Variants in TRMT11 observed in about 807,000 individuals in gnomAD.
TRMT11 encodes the protein tRNA methyltransferase 11.
TRMT11 carries 53 observed loss-of-function variants against 62.8 expected under a neutral mutation model. That is an observed-to-expected ratio of 0.84 (90% confidence interval 0.68 to 1.06). TRMT11 has a LOEUF of 1.06. Among genes scored for constraint, TRMT11 ranks in the 50% least tolerant of loss-of-function variants. The probability of loss-of-function intolerance (pLI) is 0.00; values close to 1 mark genes in which losing one functional copy is unlikely to be tolerated. For missense variants in TRMT11, 556 were observed against 553.4 expected (o/e 1.00, Z -0.05); for synonymous variants, 188 against 190.3 (o/e 0.99, Z 0.10).
At chr6:125,998,718 G>GT (rs879138630) in intron 6 of TRMT11, 34 bp downstream of exon 6, 6 of 1,599,156 alleles carry the variant, frequency 3.8e-6, no homozygotes, top group East Asian at 2.2e-5. Context: ...ATGTCAGTTT[G>GT]TTTTTTTGAA....
In TRMT11 at chr6:125,993,751, A is replaced by G. The variant is rs755907068; in HGVS notation, c.73-6A>G. The stretch of plus-strand genomic sequence containing the variant: ...ATGTATTTTCTCTGTAATATTTTCA[A>G]TACAGGAAATAAAGTCTTTGCTTTT... On this transcript the variant is annotated splice_polypyrimidine_tract_variant and splice_region_variant and intron_variant, in intron 1 of 12. Coordinates refer to ENST00000334379, the MANE Select transcript of TRMT11 (RefSeq NM_001031712.3). 3.8e-6 allele frequency: 6 copies of G among 1,589,170 alleles called. No homozygotes were observed. The highest frequency in any genetic ancestry group is 3.3e-5 in the South Asian group (3 of 90,252).
chr6:126,258,175 C>G, the TRMT11 span: 1 of 719,440 alleles, frequency 1.4e-6, no homozygotes, highest in African/African-American at 1.7e-5. Flanking sequence ...TTTGTAGCTC[C>G]TTGTGGTAAT....
the TRMT11 span, among the ~76,000 whole-genome samples, chr6:126,244,161 A>T: frequency 6.6e-6 from 1 of 151,778 alleles, no homozygotes; most frequent in African/African-American, 2.4e-5. Flanking sequence ...TCTTTTTCAT[A>T]CTACTTCCTT....
At chr6:126,152,026 T>C (rs1778064554) in intron 21 of TRMT11, among the ~76,000 whole-genome samples, 1 of 138,018 alleles carries the variant, frequency 7.2e-6, no homozygotes, top group South Asian at 2.7e-4. Flanking sequence ...TTTTTCTCTC[T>C]TTCTCTGTTT....
At chr6:126,259,354 G>A in the TRMT11 span, among the ~76,000 whole-genome samples, 1 of 152,110 alleles carries the variant, frequency 6.6e-6, no homozygotes, top group Non-Finnish European at 1.5e-5. Context: ...GTGCCACCAC[G>A]CTTGGATAAT....
chr6:126,244,408 C>T, the TRMT11 span, among the ~76,000 whole-genome samples: 32 of 152,170 alleles, frequency 2.1e-4, no homozygotes, highest in Non-Finnish European at 4.0e-4. Flanking sequence ...CCCCGCCTTT[C>T]ACTTTTACCT....
At position 125,998,303 on chromosome 6, in the gene TRMT11, C is replaced by T; in HGVS notation, c.375C>T (p.Ile125=). The change falls in exon 5 of 13, where the codon ATC becomes ATT. Residue 125 remains isoleucine, a synonymous_variant. Transcript: ENST00000334379. ...AGACATTGACACAAGAAGAGAAAAT[C>T]AAGCGAATAGATGTAAGTAAATTTA... The part of the protein sequence containing the change: ...FNKTLTQEEK[I]KRIDALEFLP... The T allele has an allele frequency of 1.3e-6, 2 of 1,592,800 alleles. No individual in the cohort carries two copies. The highest frequency in any genetic ancestry group is 1.7e-6 in the Non-Finnish European group (2 of 1,162,260).
At chr6:125,998,519 A>G in intron 5 of TRMT11, 31 bp from the exon 6 acceptor site, 1 of 1,594,966 alleles carries the variant, frequency 6.3e-7, no homozygotes, top group Non-Finnish European at 8.5e-7. Context: ...AAATTATTAT[A>G]AGACATCAGC....
At chr6:126,266,854 T>G in the TRMT11 span, among the ~76,000 whole-genome samples, 1 of 152,284 alleles carries the variant, frequency 6.6e-6, no homozygotes, top group African/African-American at 2.4e-5. Context: ...TTTTTTATAG[T>G]GTGAGATTCA....
upstream of TRMT11, among the ~76,000 whole-genome samples, chr6:126,174,130 C>A (rs1778359329): frequency 6.6e-6 from 1 of 152,164 alleles, no homozygotes; most frequent in South Asian, 2.1e-4. Context: ...TGCAGCCTCT[C>A]ACTCCCCACT....
the TRMT11 span, among the ~76,000 whole-genome samples, chr6:126,243,262 G>A: frequency 2.4e-3 from 358 of 152,280 alleles, no homozygotes; most frequent in African/African-American, 7.9e-3. Flanking sequence ...TCAGAATGGC[G>A]ATCATTAAAA....
At chr6:126,007,554 G>A (rs1216602865) in intron 7 of TRMT11, among the ~76,000 whole-genome samples, 1 of 151,956 alleles carries the variant, frequency 6.6e-6, no homozygotes, top group Non-Finnish European at 1.5e-5. Flanking sequence ...TTAATTAAAA[G>A]TACAATTATT....
chr6:126,071,365 T>A (rs993396320), intron 17 of TRMT11, among the ~76,000 whole-genome samples: 1 of 152,164 alleles, frequency 6.6e-6, no homozygotes, highest in Non-Finnish European at 1.5e-5. Flanking sequence ...TTTATTTTTT[T>A]TTTTTGTTTA....
chr6:126,169,960 A>G (rs1304553098), intron 21 of TRMT11, among the ~76,000 whole-genome samples: 1 of 151,798 alleles, frequency 6.6e-6, no homozygotes, highest in Non-Finnish European at 1.5e-5. Flanking sequence ...TTACCTTCTC[A>G]TGGTCTCTAC....
At chr6:126,001,680 C>T (rs970528174) in intron 7 of TRMT11, among the ~76,000 whole-genome samples, 4 of 151,964 alleles carry the variant, frequency 2.6e-5, no homozygotes, top group Non-Finnish European at 4.4e-5. Context: ...GTATTCTATT[C>T]CTTATCCAGT....
chr6:126,243,300 G>C, the TRMT11 span, among the ~76,000 whole-genome samples: 1 of 152,160 alleles, frequency 6.6e-6, no homozygotes, highest in African/African-American at 2.4e-5. Context: ...TGCTGGAGAG[G>C]ACGTGGAGAA....
At chr6:126,191,763 G>A (rs563243431) in intron 1 of TRMT11, among the ~76,000 whole-genome samples, 1 of 152,066 alleles carries the variant, frequency 6.6e-6, no homozygotes, top group Non-Finnish European at 1.5e-5. Flanking sequence ...ATAAGTGTAC[G>A]ATGTATCTCT....
chr6:126,225,685 A>ATTTTTTTTTTTTTTTT, the TRMT11 span, among the ~76,000 whole-genome samples: 2 of 95,280 alleles, frequency 2.1e-5, no homozygotes, highest in African/African-American at 5.2e-5. Flanking sequence ...TATGTTTACT[A>ATTTTTTTTTTTTTTTT]TTTTTTTTTT....
At chr6:126,003,210 A>G (rs1792803410) in intron 7 of TRMT11, among the ~76,000 whole-genome samples, 1 of 152,130 alleles carries the variant, frequency 6.6e-6, no homozygotes, top group Admixed American at 6.6e-5. Context: ...TGTGGCCCAG[A>G]TGGCTTTGAA....
Sources: allele counts gnomAD v4.1 joint callset (sites outside exome capture counted in the v4.1 genomes callset), GRCh38; gene constraint gnomAD v4.1.1; transcripts MANE v1.5; gene names NCBI Gene and HGNC (gene_info 2026-07-23, HGNC 2026-07-21).